Variants in PPARGC1A observed in about 807,000 individuals in gnomAD.
PPARGC1A encodes PPARG coactivator 1 alpha.
A neutral mutation model predicts 88.7 loss-of-function variants in PPARGC1A; 25 were observed. That is an observed-to-expected ratio of 0.28 (90% confidence interval 0.21 to 0.39). The LOEUF is 0.39. PPARGC1A is among the 10% of genes least tolerant of loss of function. The pLI, the probability that PPARGC1A is intolerant of heterozygous loss-of-function variation, is 1.00. For missense variants in PPARGC1A, 880 were observed against 968.7 expected (o/e 0.91, Z 1.22); for synonymous variants, 363 against 355.6 (o/e 1.02, Z -0.24).
At chr4:24,441,876 T>C in the PPARGC1A span, among the ~76,000 whole-genome samples, 1 of 152,360 alleles carries the variant, frequency 6.6e-6, no homozygotes, top group Middle Eastern at 3.4e-3. Flanking sequence ...TGCTCCCTGA[T>C]TTAAGCAAAG....
chr4:24,059,919 G>A, the PPARGC1A span, among the ~76,000 whole-genome samples: 1 of 152,232 alleles, frequency 6.6e-6, no homozygotes, highest in African/African-American at 2.4e-5. Context: ...CTCTCTGATT[G>A]CGCCGTCTCT....
the PPARGC1A span, among the ~76,000 whole-genome samples, chr4:24,053,273 A>G: frequency 6.6e-6 from 1 of 151,970 alleles, no homozygotes; most frequent in East Asian, 1.9e-4. Context: ...AAGGTTTTAA[A>G]CTCTCATTCA....
At chr4:24,348,703 C>T in the PPARGC1A span, among the ~76,000 whole-genome samples, 1 of 151,416 alleles carries the variant, frequency 6.6e-6, no homozygotes, top group Non-Finnish European at 1.5e-5. Context: ...AATATTTCTC[C>T]CTTCACTTCT....
At chr4:24,374,564 A>G in the PPARGC1A span, among the ~76,000 whole-genome samples, 1 of 88,728 alleles carries the variant, frequency 1.1e-5, no homozygotes. Flanking sequence ...AATAAATGTT[A>G]AAAAAAAAAG....
At chr4:24,450,187 G>C in the PPARGC1A span, among the ~76,000 whole-genome samples, 1 of 152,052 alleles carries the variant, frequency 6.6e-6, no homozygotes, top group Non-Finnish European at 1.5e-5. Flanking sequence ...ATGGTCTCTC[G>C]TAAACATGGT....
At chr4:24,032,726 T>C in the PPARGC1A span, among the ~76,000 whole-genome samples, 1 of 152,172 alleles carries the variant, frequency 6.6e-6, no homozygotes, top group Non-Finnish European at 1.5e-5. Context: ...AAATTTGTCA[T>C]TGTTGGTTGA....
At chr4:24,219,635 A>C in the PPARGC1A span, among the ~76,000 whole-genome samples, 1 of 152,050 alleles carries the variant, frequency 6.6e-6, no homozygotes, top group Non-Finnish European at 1.5e-5. Flanking sequence ...CACTGGCTGG[A>C]CTCCAGAGGC....
chr4:24,342,688 A>T, the PPARGC1A span, among the ~76,000 whole-genome samples: 1 of 152,222 alleles, frequency 6.6e-6, no homozygotes, highest in Non-Finnish European at 1.5e-5. Context: ...GGGCAAAGTG[A>T]TTAAAAACAA....
chr4:24,014,828 A>G, the PPARGC1A span, among the ~76,000 whole-genome samples: 2 of 152,170 alleles, frequency 1.3e-5, no homozygotes, highest in Non-Finnish European at 2.9e-5. Flanking sequence ...AAATCAACTG[A>G]TTAGGACCTT....
chr4:23,884,724 A>C (rs1716570494), intron 2 of PPARGC1A, 28 bp downstream of exon 2: 2 of 1,590,096 alleles, frequency 1.3e-6, no homozygotes, highest in Admixed American at 3.4e-5. Context: ...CTCAATGAAA[A>C]ATTAATGTTT....
At chr4:23,803,880 G>C (rs1050569640) in intron 10 of PPARGC1A, among the ~76,000 whole-genome samples, 5 of 152,126 alleles carry the variant, frequency 3.3e-5, no homozygotes, top group Admixed American at 1.3e-4. Context: ...GCAAAAAGAT[G>C]CCCTTTCTTA....
At chr4:23,799,424 T>TGTAAAA (rs1718248257) in intron 12 of PPARGC1A, among the ~76,000 whole-genome samples, 1 of 152,178 alleles carries the variant, frequency 6.6e-6, no homozygotes, top group South Asian at 2.1e-4. Flanking sequence ...ATATGGTATT[T>TGTAAAA]TACAAATGAA....
chr4:24,036,477 A>G, the PPARGC1A span, among the ~76,000 whole-genome samples: 1 of 152,200 alleles, frequency 6.6e-6, no homozygotes, highest in Non-Finnish European at 1.5e-5. Context: ...TGAACTCCAA[A>G]CTGGAAACAA....
chr4:24,224,604 A>G, the PPARGC1A span, among the ~76,000 whole-genome samples: 2 of 152,222 alleles, frequency 1.3e-5, no homozygotes, highest in South Asian at 4.1e-4. Flanking sequence ...TTGTCTAGAC[A>G]AGGTAAAGAA....
the PPARGC1A span, among the ~76,000 whole-genome samples, chr4:24,092,525 G>A: frequency 6.6e-6 from 1 of 152,090 alleles, no homozygotes; most frequent in Non-Finnish European, 1.5e-5. Flanking sequence ...TTTCTCTGAT[G>A]TAATCACTCA....
the PPARGC1A span, among the ~76,000 whole-genome samples, chr4:24,268,923 A>C: frequency 2.0e-5 from 3 of 152,198 alleles, no homozygotes; most frequent in African/African-American, 7.2e-5. Flanking sequence ...TATAGTGAAG[A>C]ACAGAATACA....
chr4:24,241,794 T>C, the PPARGC1A span, among the ~76,000 whole-genome samples: 1 of 152,198 alleles, frequency 6.6e-6, no homozygotes, highest in African/African-American at 2.4e-5. Context: ...TTATAAATAG[T>C]ACTCTGCTTT....
the PPARGC1A span, among the ~76,000 whole-genome samples, chr4:24,070,544 C>T: frequency 5.3e-5 from 8 of 152,058 alleles, no homozygotes; most frequent in Non-Finnish European, 1.0e-4. Context: ...AAAGCAAAAA[C>T]AGAAAGTACT....
At chr4:23,798,655 C>T (rs944350870) in intron 12 of PPARGC1A, among the ~76,000 whole-genome samples, 4 of 152,098 alleles carry the variant, frequency 2.6e-5, no homozygotes, top group Non-Finnish European at 4.4e-5. Flanking sequence ...ATTCATAATA[C>T]TGACCCATCT....
Sources: gnomAD v4.1 joint callset for allele counts (sites outside exome capture counted in the v4.1 genomes callset) on GRCh38, gnomAD v4.1.1 for gene constraint, MANE v1.5 for transcripts, NCBI Gene and HGNC (gene_info 2026-07-23, HGNC 2026-07-21) for gene names.